SMOC2: variants seen among roughly 807,000 people sequenced by gnomAD.
The protein encoded by SMOC2 is SPARC-related modular calcium-binding protein 2.
SMOC2 carries 39 observed loss-of-function variants against 61.4 expected under a neutral mutation model. The observed-to-expected ratio is 0.64, with a 90% CI of 0.49 to 0.83. SMOC2 has a LOEUF of 0.83. Ranked by LOEUF, SMOC2 falls within the 40% of genes least tolerant of loss-of-function variation. The pLI, the probability that SMOC2 is intolerant of heterozygous loss-of-function variation, is 0.00. For missense variants in SMOC2, 556 were observed against 592.9 expected (o/e 0.94, Z 0.65); for synonymous variants, 247 against 239.9 (o/e 1.03, Z -0.27).
intron 9 of SMOC2, among the ~76,000 whole-genome samples, chr6:168,646,479 C>A (rs1202469017): frequency 6.6e-6 from 1 of 152,110 alleles, no homozygotes; most frequent in South Asian, 2.1e-4. Context: ...AACTTGTATC[C>A]ATTTGTATTT....
intron 12 of SMOC2, chr6:168,664,701 T>C: frequency 2.1e-6 from 1 of 471,020 alleles, no homozygotes; most frequent in South Asian, 1.5e-5. Flanking sequence ...ACATGTGTTG[T>C]GTTTCTGGCT....
chr6:168,482,751 G>A (rs922189376), intron 1 of SMOC2, among the ~76,000 whole-genome samples: 1 of 152,052 alleles, frequency 6.6e-6, no homozygotes, highest in African/African-American at 2.4e-5. Context: ...GAATCAATAT[G>A]TAAAATCAAT....
intron 8 of SMOC2, among the ~76,000 whole-genome samples, chr6:168,605,794 C>G (rs762673706): frequency 6.6e-6 from 1 of 152,162 alleles, no homozygotes; most frequent in Non-Finnish European, 1.5e-5. Flanking sequence ...CATGTTAACA[C>G]TTCCTTTTTC....
chr6:168,641,440 A>G (rs1002218290), intron 9 of SMOC2, among the ~76,000 whole-genome samples: 1 of 152,226 alleles, frequency 6.6e-6, no homozygotes, highest in Admixed American at 6.5e-5. Context: ...TTTACCAAGC[A>G]TTTTGTTAAT....
intron 1 of SMOC2, among the ~76,000 whole-genome samples, chr6:168,463,698 T>C (rs958069791): frequency 5.3e-5 from 8 of 152,054 alleles, no homozygotes; most frequent in African/African-American, 1.9e-4. Context: ...ACAGAGAGCA[T>C]CATCCTGAGA....
chr6:168,661,154 T>C (rs1787499738), intron 11 of SMOC2, among the ~76,000 whole-genome samples: 1 of 152,118 alleles, frequency 6.6e-6, no homozygotes, highest in African/African-American at 2.4e-5. Flanking sequence ...TTATCAGTTA[T>C]ATGTTTTGTA....
At chr6:168,603,321 C>T (rs371468908) in intron 8 of SMOC2, among the ~76,000 whole-genome samples, 1 of 131,960 alleles carries the variant, frequency 7.6e-6, no homozygotes, top group Non-Finnish European at 1.6e-5. Flanking sequence ...CAGATTAATA[C>T]TGGGGGTGTC....
chr6:168,636,804 G>A (rs1786734113), intron 9 of SMOC2, among the ~76,000 whole-genome samples: 1 of 151,952 alleles, frequency 6.6e-6, no homozygotes, highest in Admixed American at 6.5e-5. Context: ...CTGCCCCTGA[G>A]GGCACACATG....
At chr6:168,558,183 C>T (rs1457248913) in intron 7 of SMOC2, among the ~76,000 whole-genome samples, 2 of 152,234 alleles carry the variant, frequency 1.3e-5, no homozygotes, top group South Asian at 2.1e-4. Context: ...ACCAGGAGAG[C>T]GGCTGTGTCT....
At chr6:168,636,846 T>A (rs1786735868) in intron 9 of SMOC2, among the ~76,000 whole-genome samples, 1 of 142,550 alleles carries the variant, frequency 7.0e-6, no homozygotes, top group Non-Finnish European at 1.5e-5. Context: ...GGAATATGCC[T>A]CCTGCCTCCC....
At chr6:168,459,653 GGTGGGTGAGCACTGGA>G (rs1388772592) in intron 1 of SMOC2, among the ~76,000 whole-genome samples, 2 of 141,818 alleles carry the variant, frequency 1.4e-5, no homozygotes, top group African/African-American at 2.6e-5. Flanking sequence ...GGTGAGCTGG[GGTGGGTGAGCACTGGA>G]GTGGGTGAGC....
intron 2 of SMOC2, among the ~76,000 whole-genome samples, chr6:168,521,526 A>G (rs573002794): frequency 5.9e-5 from 9 of 152,234 alleles, no homozygotes; most frequent in African/African-American, 1.9e-4. Context: ...AGAGAGATGA[A>G]ATATCATCCA....
intron 9 of SMOC2, among the ~76,000 whole-genome samples, chr6:168,646,960 A>C (rs985305785): frequency 6.6e-6 from 1 of 152,122 alleles, no homozygotes; most frequent in Non-Finnish European, 1.5e-5. Context: ...TCTAGCTTTG[A>C]AAAGAACAGT....
At chr6:168,558,448 G>C (rs891968165) in intron 7 of SMOC2, among the ~76,000 whole-genome samples, 1 of 152,166 alleles carries the variant, frequency 6.6e-6, no homozygotes, top group Non-Finnish European at 1.5e-5. Flanking sequence ...AGTTATTGTT[G>C]CTGCTGCTGG....
At chr6:168,495,158 C>G (rs2115036137) in intron 1 of SMOC2, among the ~76,000 whole-genome samples, 1 of 152,336 alleles carries the variant, frequency 6.6e-6, no homozygotes, top group East Asian at 1.9e-4. Context: ...TGCTCCTGCG[C>G]CCTATGTGGG....
At chr6:168,660,516 C>T (rs902541931) in intron 11 of SMOC2, among the ~76,000 whole-genome samples, 3 of 152,218 alleles carry the variant, frequency 2.0e-5, no homozygotes, top group Non-Finnish European at 2.9e-5. Flanking sequence ...CCATGGGTCA[C>T]GCTTCATGCA....
intron 1 of SMOC2, among the ~76,000 whole-genome samples, chr6:168,492,275 C>T (rs1027318979): frequency 5.9e-5 from 9 of 152,184 alleles, no homozygotes; most frequent in Non-Finnish European, 8.8e-5. Flanking sequence ...CTCCAAGATA[C>T]GAGGCACACA....
At chr6:168,613,537 C>T (rs9455675) in intron 9 of SMOC2, among the ~76,000 whole-genome samples, 27,668 of 149,746 alleles carry the variant, frequency 0.18, 2,923 homozygotes, top group South Asian at 0.28. Flanking sequence ...TTTCTGGAAG[C>T]TCTATGGACC....
At chr6:168,527,481 G>C in intron 3 of SMOC2, 147 bp from the exon 4 acceptor site, 1 of 624,830 alleles carries the variant, frequency 1.6e-6, no homozygotes, top group Non-Finnish European at 2.9e-6. Context: ...TTTCTTTACC[G>C]AGGACTCAAA....
Sources: gnomAD v4.1 joint callset for allele counts (sites outside exome capture counted in the v4.1 genomes callset) on GRCh38, gnomAD v4.1.1 for gene constraint, MANE v1.5 for transcripts, NCBI Gene and HGNC (gene_info 2026-07-23, HGNC 2026-07-21) for gene names.